The following ADGRV1 variants were observed in gnomAD, a reference collection of about 807,000 sequenced individuals.
ADGRV1 encodes adhesion G protein-coupled receptor V1, also known as G-protein coupled receptor 98.
A neutral mutation model predicts 596.2 loss-of-function variants in ADGRV1; 359 were observed. That is an observed-to-expected ratio of 0.60 (90% CI 0.55 to 0.66). The LOEUF (loss-of-function observed/expected upper bound fraction) is 0.66. Ranked by LOEUF, ADGRV1 falls within the 30% of genes least tolerant of loss-of-function variation. ADGRV1 has a pLI of 0.00. For synonymous variants in ADGRV1, 2,681 were observed against 2,679.2 expected, an observed-to-expected ratio of 1.00 and a Z score of -0.02; for missense variants, 7,274 against 7,575.6, an observed-to-expected ratio of 0.96 and a Z score of 1.48.
chr5:91,035,861 T>TATAATATATATAATATATATATATATATA, intron 85 of ADGRV1, among the ~76,000 whole-genome samples: 1 of 96,402 alleles, frequency 1.0e-5, no homozygotes, highest in Non-Finnish European at 2.2e-5. Flanking sequence ...TATATATATA[T>TATAATATATATAATATATATATATATATA]TATATATATA....
At chr5:91,014,619 T>C (rs928266884) in intron 85 of ADGRV1, among the ~76,000 whole-genome samples, 5 of 74,050 alleles carry the variant, frequency 6.8e-5, no homozygotes, top group Non-Finnish European at 1.0e-4. Context: ...GATTCAGTCT[T>C]GGGAAAGTAT....
chr5:90,987,677 A>C (rs1780608114), intron 85 of ADGRV1, among the ~76,000 whole-genome samples: 1 of 152,044 alleles, frequency 6.6e-6, no homozygotes, highest in Non-Finnish European at 1.5e-5. Context: ...TACTTATATC[A>C]TCATTTTAAA....
intron 1 of ADGRV1, among the ~76,000 whole-genome samples, chr5:90,570,902 T>C (rs972701728): frequency 6.6e-6 from 1 of 152,194 alleles, no homozygotes; most frequent in African/African-American, 2.4e-5. Flanking sequence ...AGTCTTTGTC[T>C]AGTAAGTCTA....
intron 83 of ADGRV1, among the ~76,000 whole-genome samples, chr5:90,940,794 G>A (rs1211174069): frequency 1.3e-5 from 2 of 151,454 alleles, no homozygotes; most frequent in South Asian, 2.1e-4. Flanking sequence ...ACAGGAAGGA[G>A]GAGCATTCAC....
chr5:90,729,717 T>A lies in ADGRV1; in HGVS notation c.10502T>A (p.Phe3501Tyr). 1 of 1,612,716 alleles carries A rather than the reference T, an allele frequency of 6.2e-7. No homozygotes were observed. Among genetic ancestry groups the A allele is most frequent in the East Asian group, 2.2e-5 (1 of 44,836 alleles). ...SSFRYFQSVDFAAVNRIHSFT... is the reference protein window; with the variant it reads ...SSFRYFQSVDYAAVNRIHSFT... ...TTCAGGTATTTTCAGTCTGTAGATT[T>A]TGCTGCTGTTAACAGAATCCACTCC... is the stretch of plus-strand genomic sequence containing the variant. Residue 3501 changes from phenylalanine to tyrosine, a missense_variant, in exon 50 of 90, where the codon TTT (phenylalanine) becomes TAT (tyrosine). Phe to Tyr is a conservative substitution (Grantham distance 22). Coordinates refer to ENST00000405460, the MANE Select transcript of ADGRV1 (RefSeq NM_032119.4).
chr5:90,877,040 G>C (rs1008665446), intron 83 of ADGRV1, among the ~76,000 whole-genome samples: 2 of 152,066 alleles, frequency 1.3e-5, no homozygotes, highest in Non-Finnish European at 2.9e-5. Flanking sequence ...AGCATATAGT[G>C]GGAACCAAAA....
intron 45 of ADGRV1, among the ~76,000 whole-genome samples, chr5:90,723,107 A>G (rs890041343): frequency 6.6e-6 from 1 of 152,200 alleles, no homozygotes; most frequent in African/African-American, 2.4e-5. Context: ...CATAGAAGGC[A>G]TTAATGACCA....
At chr5:90,642,495 C>T (rs1767095518) in intron 11 of ADGRV1, 141 bp from the exon 12 acceptor site, 4 of 780,650 alleles carry the variant, frequency 5.1e-6, no homozygotes, top group Non-Finnish European at 8.1e-6. Flanking sequence ...TTTCAACACA[C>T]GTGAATTCAC....
chr5:90,936,588 CTAATA>C (rs1456625382), intron 83 of ADGRV1, among the ~76,000 whole-genome samples: 1 of 151,530 alleles, frequency 6.6e-6, no homozygotes, highest in Non-Finnish European at 1.5e-5. Context: ...TTTCTTCTAC[CTAATA>C]TGTTTATATT....
intron 50 of ADGRV1, among the ~76,000 whole-genome samples, chr5:90,743,079 A>G (rs943896646): frequency 2.0e-5 from 3 of 152,202 alleles, no homozygotes; most frequent in African/African-American, 7.2e-5. Flanking sequence ...GTCCGTGAGT[A>G]CAGAAGGTCA....
Position 90,840,715 on chromosome 5 carries a change from A to T in ADGRV1, c.16749A>T (p.Pro5583=). The T allele has an allele frequency of 6.2e-7, 1 of 1,614,044 alleles. No homozygotes were observed. Among genetic ancestry groups the T allele is most frequent in the Non-Finnish European group, 8.5e-7 (1 of 1,179,898 alleles). ...RSTVLDVILT[P]ETGSLNSFPK... is the part of the protein sequence containing the mutation. ...CTGTATTGGATGTCATCCTAACGCC[A>T]GAGACAGGATCTTTAAATTCATTTC... Residue 5583 remains proline (P), a synonymous_variant, in exon 78 of 90, where the codon CCA becomes CCT. Coordinates refer to ENST00000405460, the MANE Select transcript of ADGRV1 (RefSeq NM_032119.4).
chr5:90,693,156 G>A (rs376574967), intron 32 of ADGRV1, among the ~76,000 whole-genome samples: 1 of 30,118 alleles, frequency 3.3e-5, no homozygotes, highest in Admixed American at 3.1e-4. Flanking sequence ...TTCTTTTTTT[G>A]TGAGGCAGCA....
At chr5:90,841,244 A>G (rs1765399918) in intron 78 of ADGRV1, among the ~76,000 whole-genome samples, 1 of 152,158 alleles carries the variant, frequency 6.6e-6, no homozygotes, top group African/African-American at 2.4e-5. Flanking sequence ...AGTGCATGAA[A>G]AAAAAGGCTC....
chr5:90,645,675 T>G (rs144214105), intron 15 of ADGRV1, among the ~76,000 whole-genome samples: 1 of 152,262 alleles, frequency 6.6e-6, no homozygotes, highest in African/African-American at 2.4e-5. Context: ...AGAAATAATA[T>G]GACCTCTGTG....
intron 11 of ADGRV1, among the ~76,000 whole-genome samples, chr5:90,639,041 A>C (rs1766621592): frequency 6.6e-6 from 1 of 150,988 alleles, no homozygotes; most frequent in South Asian, 2.1e-4. Context: ...CCAAGCAAAC[A>C]AAAAAACCAA....
intron 1 of ADGRV1, among the ~76,000 whole-genome samples, chr5:90,560,031 A>G (rs1397813371): frequency 6.6e-6 from 1 of 152,198 alleles, no homozygotes; most frequent in Non-Finnish European, 1.5e-5. Flanking sequence ...TGTAGGTTAC[A>G]GGGAGATGTC....
intron 75 of ADGRV1, among the ~76,000 whole-genome samples, chr5:90,820,463 T>C (rs1045400331): frequency 6.6e-6 from 1 of 151,970 alleles, no homozygotes; most frequent in Non-Finnish European, 1.5e-5. Context: ...GTCATTATGA[T>C]GTTAGGGGTG....
intron 58 of ADGRV1, among the ~76,000 whole-genome samples, chr5:90,761,014 C>T (rs1376450217): frequency 6.6e-6 from 1 of 152,214 alleles, no homozygotes; most frequent in Non-Finnish European, 1.5e-5. Flanking sequence ...GCAACTTTTC[C>T]GGCCCCATAT....
chr5:90,755,249 A>C, intron 55 of ADGRV1, 64 bp downstream of exon 55: 1 of 1,050,292 alleles, frequency 9.5e-7, no homozygotes, highest in Admixed American at 2.7e-5. Context: ...TAAAATTGTG[A>C]TGCTCTTGTA....
Sources: gnomAD v4.1 joint callset for allele counts (sites outside exome capture counted in the v4.1 genomes callset) on GRCh38, gnomAD v4.1.1 for gene constraint, MANE v1.5 for transcripts, NCBI Gene and HGNC (gene_info 2026-07-23, HGNC 2026-07-21) for gene names.